PTPRG: variants seen among roughly 807,000 people sequenced by gnomAD.
PTPRG encodes the protein protein tyrosine phosphatase receptor type G, also known as receptor-type tyrosine-protein phosphatase gamma.
In PTPRG, 102 loss-of-function variants were observed where a neutral mutation model predicts 165.3. The observed-to-expected ratio is 0.62, with a 90% CI of 0.53 to 0.73. PTPRG has a LOEUF of 0.73. PTPRG is among the 30% of genes least tolerant of loss of function. The pLI, the probability that PTPRG is intolerant of heterozygous loss-of-function variation, is 0.00. For synonymous variants in PTPRG, 675 were observed against 669.5 expected, an observed-to-expected ratio of 1.01 and a Z score of -0.13; for missense variants, 1,866 against 1,861.4, an observed-to-expected ratio of 1.00 and a Z score of -0.05.
rs1239872360 is a variant in PTPRG, at chr3:62,255,115, T to TC, written c.2468-3dup. 2.5e-6 allele frequency: 4 copies of TC among 1,604,594 alleles called. No homozygotes were observed. The African/African-American group carries it at 5.4e-5, about 22-fold the overall frequency. The stretch of plus-strand genomic sequence containing the variant: ...TATGTAACTTTGAATATTATTTTAT[T>TC]CCCCCCAGATGACATGGAAGCCATT... On this transcript the variant is annotated splice_polypyrimidine_tract_variant and intron_variant, in intron 15 of 29. Transcript: ENST00000474889. The surrounding 1 kb of genome is among the most constrained non-coding windows in gnomAD (Gnocchi z 4.0).
At chr3:61,606,199 A>T (rs906123414) in intron 1 of PTPRG, among the ~76,000 whole-genome samples, 1 of 152,166 alleles carries the variant, frequency 6.6e-6, no homozygotes, top group Non-Finnish European at 1.5e-5. Context: ...ATTCTCTCCC[A>T]GGCTTGCTGG....
intron 10 of PTPRG, among the ~76,000 whole-genome samples, chr3:62,196,221 G>A (rs1253735443): frequency 8.6e-5 from 13 of 151,582 alleles, no homozygotes; most frequent in African/African-American, 2.7e-4. Context: ...GTGAAACCCC[G>A]TCTCTACTAA....
At chr3:61,569,045 G>T (rs1240806907) in intron 1 of PTPRG, among the ~76,000 whole-genome samples, 1 of 152,184 alleles carries the variant, frequency 6.6e-6, no homozygotes, top group Non-Finnish European at 1.5e-5. Flanking sequence ...ACTTGTACTT[G>T]TGGTGGGTGT....
chr3:62,081,758 T>G (rs1258649178), intron 5 of PTPRG, among the ~76,000 whole-genome samples: 1 of 152,258 alleles, frequency 6.6e-6, no homozygotes, highest in Admixed American at 6.5e-5. Context: ...TAGATCTCAT[T>G]TTTTAATTTT....
intron 1 of PTPRG, among the ~76,000 whole-genome samples, chr3:61,585,072 G>T (rs566451915): frequency 1.6e-4 from 25 of 152,166 alleles, no homozygotes; most frequent in African/African-American, 5.3e-4. Flanking sequence ...CTTGAGCTCA[G>T]GAGTTCCAGA....
intron 2 of PTPRG, among the ~76,000 whole-genome samples, chr3:61,853,635 C>G (rs764678602): frequency 6.6e-6 from 1 of 152,228 alleles, no homozygotes; most frequent in Non-Finnish European, 1.5e-5. Flanking sequence ...TGCTACATTC[C>G]TGACCTATAG....
intron 5 of PTPRG, among the ~76,000 whole-genome samples, chr3:62,106,157 G>T (rs1032407754): frequency 1.3e-5 from 2 of 152,150 alleles, no homozygotes; most frequent in African/African-American, 4.8e-5. Flanking sequence ...AAAAGAAGGT[G>T]ATATGGGCAG....
chr3:62,163,387 G>T (rs1322990183), intron 7 of PTPRG, among the ~76,000 whole-genome samples: 1 of 151,904 alleles, frequency 6.6e-6, no homozygotes, highest in African/African-American at 2.4e-5. Flanking sequence ...GCACATACCA[G>T]TCTCAGCACA....
At chr3:61,735,437 T>C (rs1471323461) in intron 1 of PTPRG, among the ~76,000 whole-genome samples, 1 of 151,822 alleles carries the variant, frequency 6.6e-6, no homozygotes, top group African/African-American at 2.4e-5. Flanking sequence ...CTAATAAAAA[T>C]GGAGATAACA....
chr3:61,746,262 A>G (rs1358950042), intron 1 of PTPRG, among the ~76,000 whole-genome samples: 1 of 130,270 alleles, frequency 7.7e-6, no homozygotes, highest in African/African-American at 3.0e-5. Flanking sequence ...TGTGTCTCCC[A>G]GGCTGGAGTG....
In PTPRG at chr3:62,190,026, A is replaced by G. The variant is rs1020472064; in HGVS notation, c.1034-1443A>G. Among the ~76,000 whole-genome samples, 2 of 152,072 alleles carry G rather than the reference A, an allele frequency of 1.3e-5. No individual in the cohort carries two copies. The highest frequency in any genetic ancestry group is 4.8e-5 in the African/African-American group (2 of 41,406). ...CTCAAGGGCATCTTCCCTGGGTGCCAAAGCCCGAGCCACCTCTTCCTCTCC... is the reference window on the plus strand; with the variant it reads ...CTCAAGGGCATCTTCCCTGGGTGCCGAAGCCCGAGCCACCTCTTCCTCTCC... On this transcript the variant is annotated intron_variant, in intron 8 of 29. Transcript: ENST00000474889. This position sits in a 1 kb window ranked among gnomAD's most constrained non-coding sequence, Gnocchi z 5.2.
At chr3:61,991,768 C>T (rs916519701) in intron 3 of PTPRG, among the ~76,000 whole-genome samples, 3 of 152,216 alleles carry the variant, frequency 2.0e-5, no homozygotes, top group African/African-American at 7.2e-5. Context: ...TCACTGGGCT[C>T]TCTGATACGG....
chr3:61,682,101 A>T (rs1415706962), intron 1 of PTPRG, among the ~76,000 whole-genome samples: 1 of 131,966 alleles, frequency 7.6e-6, no homozygotes, highest in African/African-American at 2.8e-5. Context: ...GTGAGCCGAG[A>T]TTGTGTGACT....
intron 2 of PTPRG, among the ~76,000 whole-genome samples, chr3:61,882,754 T>C (rs2037920790): frequency 6.6e-6 from 1 of 152,138 alleles, no homozygotes; most frequent in Admixed American, 6.5e-5. Flanking sequence ...TAGTCCAGAG[T>C]ACATGTTTTT....
chr3:61,753,342 A>G (rs1040776214), intron 2 of PTPRG, among the ~76,000 whole-genome samples: 1 of 152,204 alleles, frequency 6.6e-6, no homozygotes, highest in Non-Finnish European at 1.5e-5. Context: ...TACTGAAAAA[A>G]TGCAGTAGTT....
intron 2 of PTPRG, among the ~76,000 whole-genome samples, chr3:61,787,933 C>CT (rs917094031): frequency 6.6e-6 from 1 of 152,126 alleles, no homozygotes; most frequent in Non-Finnish European, 1.5e-5. Flanking sequence ...CCAGTGGTGT[C>CT]TTTTTTTCTT....
Position 62,208,709 on chromosome 3 carries a change from C to T in PTPRG, c.2155+4759C>T, listed in dbSNP as rs912259581. On this transcript the variant is annotated intron_variant, in intron 12 of 29. Transcript: ENST00000474889. Reference sequence around the variant, plus strand: ...TGGAGGGTGCAAAGCTGCAGCCACTCTGCTCCTTTGGGCAAACCATGAGGC... The same window carrying T: ...TGGAGGGTGCAAAGCTGCAGCCACTTTGCTCCTTTGGGCAAACCATGAGGC... 5.3e-5 allele frequency among the ~76,000 whole-genome samples: 8 copies of T among 152,348 alleles called. No individual in the cohort carries two copies. The East Asian group carries it at 1.2e-3, about 22-fold the overall frequency.
At chr3:62,095,270 G>T (rs1375022190) in intron 5 of PTPRG, among the ~76,000 whole-genome samples, 1 of 152,204 alleles carries the variant, frequency 6.6e-6, no homozygotes, top group Non-Finnish European at 1.5e-5. Context: ...TGTCAAAGCT[G>T]CATCCCCCAT....
chr3:62,055,269 T>G (rs1459876541), intron 4 of PTPRG, among the ~76,000 whole-genome samples: 1 of 152,192 alleles, frequency 6.6e-6, no homozygotes, highest in Non-Finnish European at 1.5e-5. Flanking sequence ...CATACTTAGT[T>G]TTCTATGTTT....
Sources: gnomAD v4.1 joint callset for allele counts (sites outside exome capture counted in the v4.1 genomes callset) on GRCh38, gnomAD v4.1.1 for gene constraint, Gnocchi (gnomAD v3.1) non-coding constraint, MANE v1.5 for transcripts, NCBI Gene and HGNC (gene_info 2026-07-23, HGNC 2026-07-21) for gene names.